The following MYO1A variants were observed in gnomAD, a reference collection of about 807,000 sequenced individuals.
The protein encoded by MYO1A is unconventional myosin-Ia.
MYO1A carries 127 observed loss-of-function variants against 138.5 expected under a neutral mutation model. That is an observed-to-expected ratio of 0.92 (90% CI 0.79 to 1.06). MYO1A has a LOEUF of 1.06. Ranked by LOEUF, MYO1A falls within the 50% of genes least tolerant of loss-of-function variation. The pLI, the probability that MYO1A is intolerant of heterozygous loss-of-function variation, is 0.00. For synonymous variants in MYO1A, 477 were observed against 497.5 expected, an observed-to-expected ratio of 0.96 and a Z score of 0.55; for missense variants, 1,211 against 1,288.8, an observed-to-expected ratio of 0.94 and a Z score of 0.92.
chr12:57,047,204 CAA>C (rs1477645966), intron 5 of MYO1A, 97 bp from the exon 6 acceptor site: 3 of 1,585,854 alleles, frequency 1.9e-6, no homozygotes, highest in East Asian at 4.5e-5. Context: ...CTGGGTCGAA[CAA>C]GAGAGGTGAT....
rs761336805 is a variant in MYO1A, at chr12:57,037,036, A to T, written c.2111T>A (p.Ile704Lys). 1 of 1,614,098 alleles carries T rather than the reference A, an allele frequency of 6.2e-7. No homozygotes were observed. Among genetic ancestry groups the T allele is most frequent in the Non-Finnish European group, 8.5e-7 (1 of 1,180,028 alleles). ...GCGCCAGCCTCGGTAAATCTTCTGT[A>T]TGAGTGTGGCCAGCTGCTGGAGTCT... ...RLRLQQLATL[I>K]QKIYRGWRCR... The change falls in exon 20 of 28, where the codon ATA becomes AAA. Residue 704 changes from isoleucine to lysine, a missense_variant. Ile to Lys is a moderately radical substitution (Grantham distance 102). Transcript: ENST00000300119.
rs770557461 is a variant in MYO1A, at chr12:57,030,207, CA to C, written c.2591+2del. On this transcript the variant is annotated splice_donor_variant, in intron 24 of 27. Transcript: ENST00000300119. LOFTEE classifies it high-confidence loss of function. ...GGCTGTGCAGGGTCTGGGAGGCCCT[CA>C]CCTCTGGGGATATGAAGCCTTCTTG... 6 of 1,613,392 alleles carry C rather than the reference CA, an allele frequency of 3.7e-6. No homozygotes were observed. The Admixed American group carries it at 1.0e-4, about 27-fold the overall frequency.
chr12:57,044,180 C>A lies in MYO1A; in HGVS notation c.670G>T (p.Gly224Cys), dbSNP rs1433600947. ...KALKLERDTT[G>C]YAYLNHEVSR... ...ACTTCATGATTCAGATAGGCATAGC[C>A]AGTTGTATCCCGCTCAAGCTTCAGG... The change falls in exon 9 of 28, where the codon GGC becomes TGC. Residue 224 changes from glycine (G) to cysteine (C), a missense_variant. Gly to Cys is a radical substitution (Grantham distance 159). Coordinates refer to ENST00000300119, the MANE Select transcript of MYO1A (RefSeq NM_005379.4). 3.1e-6 allele frequency: 5 copies of A among 1,614,020 alleles called. No homozygotes were observed. In the East Asian group the frequency reaches 8.9e-5, roughly 29 times the overall value.
Position 57,036,315 on chromosome 12 carries a change from T to C in MYO1A, c.2341A>G (p.Lys781Glu), listed in dbSNP as rs144384395. The change falls in exon 22 of 28, where the codon AAG (lysine) becomes GAG (glutamate). Residue 781 changes from lysine (K) to glutamate (E), a missense_variant. Physicochemically the swap from Lys to Glu is moderately conservative, Grantham distance 56. Transcript: ENST00000300119. ...AALTLADFIY[K>E]SMVQKFLLGL... ...TAACCCCTACCACTTACCATGCTCT[T>C]GTAGATGAAATCTGCCAAGGTGAGG... 1.4e-3 allele frequency: 2,210 copies of C among 1,613,606 alleles called. 4 individuals carry two copies. The highest frequency in any genetic ancestry group is 1.6e-3 in the Non-Finnish European group (1,865 of 1,179,712).
At chr12:57,029,085 T>C in intron 27 of MYO1A, 47 bp downstream of exon 27, 1 of 1,613,914 alleles carries the variant, frequency 6.2e-7, no homozygotes, top group Non-Finnish European at 8.5e-7. Flanking sequence ...ACCATCAGCC[T>C]GGCCATCTAC....
At chr12:57,029,053 C>T (rs55644218) in intron 27 of MYO1A, 79 bp downstream of exon 27, 1,633 of 1,613,152 alleles carry the variant, frequency 1.0e-3, no homozygotes, top group Admixed American at 1.3e-3. Context: ...ACATGCTTCG[C>T]TTTCTGATCC....
intron 8 of MYO1A, among the ~76,000 whole-genome samples, chr12:57,046,057 G>A (rs920679290): frequency 3.3e-5 from 5 of 152,190 alleles, no homozygotes; most frequent in African/African-American, 4.8e-5. Context: ...AAATGAATGA[G>A]TGAATGAATG....
Position 57,031,111 on chromosome 12 carries a change from A to G in MYO1A, c.2413T>C (p.Trp805Arg), listed in dbSNP as rs374493987. ...LPSTNVLDKTWPAAPYKCLST... is the reference protein window; with the variant it reads ...LPSTNVLDKTRPAAPYKCLST... ...AGGCACTTGTAGGGGGCGGCTGGCC[A>G]TGTCTTGTCTAAGACGTTTGTGGAT... The change falls in exon 23 of 28, where the codon TGG (tryptophan) becomes CGG (arginine). Residue 805 changes from tryptophan to arginine, a missense_variant. By Grantham distance (101) the Trp-to-Arg change is moderately radical (BLOSUM62 -3). Transcript: ENST00000300119. The G allele has an allele frequency of 1.9e-5, 30 of 1,614,072 alleles. No individual in the cohort carries two copies. In the African/African-American group the frequency reaches 3.5e-4, roughly 19 times the overall value.
At position 57,048,276 on chromosome 12, in the gene MYO1A, C is replaced by G; in HGVS notation, c.48G>C (p.Leu16=). 6.2e-7 allele frequency: 1 copy of G among 1,614,190 alleles called. No homozygotes were observed. Among genetic ancestry groups the G allele is most frequent in the Non-Finnish European group, 8.5e-7 (1 of 1,180,032 alleles). Residue 16 remains leucine, a synonymous_variant, in exon 2 of 28, where the codon CTG becomes CTC. Coordinates refer to ENST00000300119, the MANE Select transcript of MYO1A (RefSeq NM_005379.4). ...GCAGTGACTCCTCCACCAAGGGTTC[C>G]AGGAGGACAAGATCCTCCACCCCCA... The part of the protein sequence containing the change: ...GSVGVEDLVL[L]EPLVEESLLK...
chr12:57,034,285 AAATGGG>A (rs996549288), intron 22 of MYO1A, among the ~76,000 whole-genome samples: 2 of 152,246 alleles, frequency 1.3e-5, no homozygotes, highest in Admixed American at 1.3e-4. Context: ...TTTAACTACA[AAATGGG>A]AGAAAGAAAA....
chr12:57,039,322 C>T (rs1565644630), intron 14 of MYO1A, 48 bp from the exon 15 acceptor site: 16 of 1,421,850 alleles, frequency 1.1e-5, no homozygotes, highest in Non-Finnish European at 1.6e-5. Context: ...CAAGACAAGC[C>T]TCCAGAGACC....
rs373271748 is a variant in MYO1A, at chr12:57,030,221, T to C, written c.2580A>G (p.Ser860=). Residue 860 remains serine, a synonymous_variant, in exon 24 of 28, where the codon TCA becomes TCG. Transcript: ENST00000300119. ...ASELFKGKKA[S]YPQSVPIPFC... ...TGGGAGGCCCTCACCTCTGGGGATA[T>C]GAAGCCTTCTTGCCCTTGAACAGTT... 1.9e-5 allele frequency: 31 copies of C among 1,614,074 alleles called. No homozygotes were observed. The highest frequency in any genetic ancestry group is 2.5e-5 in the Non-Finnish European group (29 of 1,179,930).
intron 17 of MYO1A, 140 bp downstream of exon 17, chr12:57,038,272 T>C: frequency 8.8e-7 from 1 of 1,135,734 alleles, no homozygotes; most frequent in Non-Finnish European, 1.3e-6. Flanking sequence ...CTCAGCTCCT[T>C]ATCTGACTGT....
At chr12:57,042,801 G>A (rs2030914112) in intron 12 of MYO1A, among the ~76,000 whole-genome samples, 2 of 152,052 alleles carry the variant, frequency 1.3e-5, no homozygotes, top group African/African-American at 2.4e-5. Context: ...GGACACTGAG[G>A]CCCAGAACCT....
At chr12:57,047,136 A>G (rs769374972) in intron 5 of MYO1A, 29 bp from the exon 6 acceptor site, 3 of 1,613,334 alleles carry the variant, frequency 1.9e-6, no homozygotes, top group Non-Finnish European at 2.5e-6. Context: ...GAGAAGTGAA[A>G]CTCTAGAGAA....
In MYO1A at chr12:57,029,773, C is replaced by G; in HGVS notation, c.2691G>C (p.Glu897Asp). ...TGCCACGATTGACCTTCTTCACGGC[C>G]TCTGCCATCAGAACAGGCCCCTCCT... ...GGEEGPVLMAEAVKKVNRGNG... is the reference protein window; with the variant it reads ...GGEEGPVLMADAVKKVNRGNG... Residue 897 changes from glutamate to aspartate, a missense_variant, in exon 25 of 28, where the codon GAG (glutamate) becomes GAC (aspartate). Transcript: ENST00000300119. 1.2e-6 allele frequency: 2 copies of G among 1,614,242 alleles called. No individual in the cohort carries two copies. Among genetic ancestry groups the G allele is most frequent in the Non-Finnish European group, 1.7e-6 (2 of 1,180,042 alleles).
In MYO1A at chr12:57,028,700, G is replaced by C; in HGVS notation, c.*55C>G. On this transcript the variant is annotated 3_prime_UTR_variant, in exon 28 of 28. Coordinates refer to ENST00000300119, the MANE Select transcript of MYO1A (RefSeq NM_005379.4). Reference sequence around the variant, plus strand: ...TCCTCCCACACAGGAGGGCAGAGGGGGATTAGTGCTGGTTCAGGAGGAAGC... The same window carrying C: ...TCCTCCCACACAGGAGGGCAGAGGGCGATTAGTGCTGGTTCAGGAGGAAGC... The C allele has an allele frequency of 1.2e-6, 2 of 1,608,286 alleles. No homozygotes were observed. The highest frequency in any genetic ancestry group is 1.7e-6 in the Non-Finnish European group (2 of 1,176,702).
At chr12:57,031,791 T>C (rs902291365) in intron 22 of MYO1A, among the ~76,000 whole-genome samples, 1 of 152,164 alleles carries the variant, frequency 6.6e-6, no homozygotes, top group Admixed American at 6.5e-5. Flanking sequence ...TGAGCAATAG[T>C]CAGGGTCCTA....
chr12:57,029,082 G>C, intron 27 of MYO1A, 50 bp downstream of exon 27: 2 of 1,613,564 alleles, frequency 1.2e-6, no homozygotes, highest in East Asian at 4.5e-5. Flanking sequence ...ATGACCATCA[G>C]CCTGGCCATC....
Sources: allele counts gnomAD v4.1 joint callset (sites outside exome capture counted in the v4.1 genomes callset), GRCh38; gene constraint gnomAD v4.1.1; transcripts MANE v1.5; gene names NCBI Gene and HGNC (gene_info 2026-07-23, HGNC 2026-07-21).